Variants in ERAP1 observed in about 807,000 individuals in gnomAD.
The protein encoded by ERAP1 is adipocyte-derived leucine aminopeptidase.
A neutral mutation model predicts 103.7 loss-of-function variants in ERAP1; 86 were observed. The observed-to-expected ratio is 0.83, with a 90% CI of 0.70 to 0.99. ERAP1 has a LOEUF of 0.99. ERAP1 is among the 50% of genes least tolerant of loss of function. The pLI, the probability that ERAP1 is intolerant of heterozygous loss-of-function variation, is 0.00. For synonymous variants in ERAP1, 398 were observed against 402.4 expected, an observed-to-expected ratio of 0.99 and a Z score of 0.13; for missense variants, 1,009 against 1,128.4, an observed-to-expected ratio of 0.89 and a Z score of 1.52.
chr5:96,914,958 T>C, the ERAP1 span, among the ~76,000 whole-genome samples: 2 of 152,066 alleles, frequency 1.3e-5, no homozygotes, highest in Admixed American at 1.3e-4. Flanking sequence ...ATTTATTTCA[T>C]GCTTTTAATT....
At chr5:96,889,128 A>G in the ERAP1 span, 2 of 1,604,682 alleles carry the variant, frequency 1.2e-6, no homozygotes, top group African/African-American at 2.7e-5. Flanking sequence ...GTTATCAGGA[A>G]TGGAATTATG....
the ERAP1 span, among the ~76,000 whole-genome samples, chr5:96,846,830 A>C: frequency 1.3e-5 from 2 of 152,152 alleles, no homozygotes; most frequent in Non-Finnish European, 2.9e-5. Context: ...AGTGCTGCTG[A>C]TGATGTAAAG....
At chr5:96,826,363 G>A in the ERAP1 span, among the ~76,000 whole-genome samples, 155 of 152,270 alleles carry the variant, frequency 1.0e-3, no homozygotes, top group Non-Finnish European at 2.2e-4. Context: ...TTTGGGCAGA[G>A]AGAATTTCTG....
At chr5:96,840,996 G>A in the ERAP1 span, among the ~76,000 whole-genome samples, 39 of 152,062 alleles carry the variant, frequency 2.6e-4, no homozygotes, top group Admixed American at 1.0e-3. Flanking sequence ...GAGCCACTGC[G>A]CCCGGCCAGG....
Position 96,781,038 on chromosome 5 carries a change from C to T in ERAP1, c.2588+20G>A. 6.2e-7 allele frequency: 1 copy of T among 1,613,998 alleles called. No homozygotes were observed. Among genetic ancestry groups the T allele is most frequent in the Non-Finnish European group, 8.5e-7 (1 of 1,179,948 alleles). ...GTTATGAACTTATCCAGTCACAGCACAATTTTTGGCACCACTTACTTTTGT... is the reference window on the plus strand; with the variant it reads ...GTTATGAACTTATCCAGTCACAGCATAATTTTTGGCACCACTTACTTTTGT... On this transcript the variant is annotated intron_variant, in intron 17 of 18. Coordinates refer to ENST00000443439, the MANE Select transcript of ERAP1 (RefSeq NM_001040458.3).
chr5:96,912,504 A>C, the ERAP1 span: 4 of 543,760 alleles, frequency 7.4e-6, no homozygotes, highest in Admixed American at 7.7e-5. Flanking sequence ...AGAGTTCGGC[A>C]GAGAAAAAGA....
the ERAP1 span, among the ~76,000 whole-genome samples, chr5:96,925,113 GTTATAGAAA>G: frequency 6.6e-6 from 1 of 152,142 alleles, no homozygotes; most frequent in Non-Finnish European, 1.5e-5. Flanking sequence ...ATATGTTACC[GTTATAGAAA>G]TTGGTTTGCT....
chr5:96,889,605 G>C, the ERAP1 span: 1 of 661,052 alleles, frequency 1.5e-6, no homozygotes, highest in Non-Finnish European at 2.7e-6. Flanking sequence ...ACGGAAGCCA[G>C]GTAGAGGGTC....
chr5:96,781,673 T>C lies in ERAP1; in HGVS notation c.2447+20A>G. 1 of 1,613,966 alleles carries C rather than the reference T, an allele frequency of 6.2e-7. No individual in the cohort carries two copies. The highest frequency in any genetic ancestry group is 8.5e-7 in the Non-Finnish European group (1 of 1,179,968). ...CTAATTTCCCTTGGCCACATGAACA[T>C]GAATGAATGACGGACTCACCATTGA... On this transcript the variant is annotated intron_variant, in intron 16 of 18. Transcript: ENST00000443439.
chr5:96,892,328 G>A, the ERAP1 span: 1 of 1,613,740 alleles, frequency 6.2e-7, no homozygotes, highest in African/African-American at 1.3e-5. Context: ...CTTTGCACCT[G>A]GAGCCATGGA....
At chr5:96,899,454 G>T in the ERAP1 span, among the ~76,000 whole-genome samples, 3 of 152,132 alleles carry the variant, frequency 2.0e-5, no homozygotes, top group Non-Finnish European at 2.9e-5. Flanking sequence ...AGAATGAGAA[G>T]AATTAGTTGC....
the ERAP1 span, among the ~76,000 whole-genome samples, chr5:96,924,543 A>C: frequency 0.07 from 10,711 of 152,296 alleles, 454 homozygotes; most frequent in Middle Eastern, 0.15. Flanking sequence ...CAGAATATTC[A>C]AGAGTATAAA....
At chr5:96,892,318 C>G in the ERAP1 span, 1 of 1,613,922 alleles carries the variant, frequency 6.2e-7, no homozygotes, top group Non-Finnish European at 8.5e-7. Flanking sequence ...CTATTCCTGA[C>G]TTTGCACCTG....
chr5:96,765,984 A>C (rs1291599077), intron 19 of ERAP1: 6 of 896,472 alleles, frequency 6.7e-6, no homozygotes, highest in African/African-American at 3.3e-5. Context: ...TGAATGCTGC[A>C]TTTGACAATG....
intron 10 of ERAP1, among the ~76,000 whole-genome samples, chr5:96,789,295 T>G (rs1429751063): frequency 6.6e-6 from 1 of 152,218 alleles, no homozygotes; most frequent in East Asian, 1.9e-4. Flanking sequence ...AAGACCAGCC[T>G]GGCGAACATG....
chr5:96,865,593 A>G, the ERAP1 span, among the ~76,000 whole-genome samples: 1 of 152,224 alleles, frequency 6.6e-6, no homozygotes, highest in Admixed American at 6.5e-5. Flanking sequence ...GAAAATAAAT[A>G]CAATTTCCAA....
chr5:96,924,061 G>A, the ERAP1 span, among the ~76,000 whole-genome samples: 157 of 152,260 alleles, frequency 1.0e-3, 1 homozygote, highest in Admixed American at 1.5e-3. Context: ...AATATTTGTC[G>A]GCTGTAAAGC....
chr5:96,908,871 A>G, the ERAP1 span: 8 of 1,324,404 alleles, frequency 6.0e-6, no homozygotes, highest in East Asian at 2.0e-4. Flanking sequence ...TACTTCTGTT[A>G]TTGTTCTCTA....
At chr5:96,883,856 C>A in the ERAP1 span, 2 of 1,613,798 alleles carry the variant, frequency 1.2e-6, no homozygotes, top group South Asian at 1.1e-5. Context: ...CTTTGATGAA[C>A]CGTTGTTCAA....
Sources: gnomAD v4.1 joint callset for allele counts (sites outside exome capture counted in the v4.1 genomes callset) on GRCh38, gnomAD v4.1.1 for gene constraint, MANE v1.5 for transcripts, NCBI Gene and HGNC (gene_info 2026-07-23, HGNC 2026-07-21) for gene names.